The following SPOCK3 variants were observed in gnomAD, a reference collection of about 807,000 sequenced individuals.
SPOCK3 encodes the protein testican-3.
SPOCK3 carries 30 observed loss-of-function variants against 56.6 expected under a neutral mutation model. That is an observed-to-expected ratio of 0.53 (90% confidence interval 0.40 to 0.72). The LOEUF (loss-of-function observed/expected upper bound fraction) is 0.72. Among genes scored for constraint, SPOCK3 ranks in the 30% least tolerant of loss-of-function variants. The pLI, the probability that SPOCK3 is intolerant of heterozygous loss-of-function variation, is 0.00. For missense variants in SPOCK3, 527 were observed against 530.0 expected (o/e 0.99, Z 0.06); for synonymous variants, 196 against 183.3 (o/e 1.07, Z -0.56).
At chr4:166,767,057 C>T (rs1231388447) in intron 7 of SPOCK3, among the ~76,000 whole-genome samples, 3 of 151,996 alleles carry the variant, frequency 2.0e-5, no homozygotes, top group East Asian at 3.9e-4. Flanking sequence ...TTGTTTATTG[C>T]ATCTATTTGA....
chr4:167,155,432 T>G (rs1286347833), intron 2 of SPOCK3, among the ~76,000 whole-genome samples: 1 of 152,204 alleles, frequency 6.6e-6, no homozygotes, highest in Non-Finnish European at 1.5e-5. Flanking sequence ...TGCTAATATC[T>G]ACTATTTTTA....
intron 4 of SPOCK3, among the ~76,000 whole-genome samples, chr4:166,922,218 C>T (rs962372662): frequency 3.9e-5 from 6 of 152,102 alleles, no homozygotes; most frequent in East Asian, 3.9e-4. Context: ...GATTGGGGAC[C>T]GCTGCCCTAC....
In SPOCK3 at chr4:166,938,319, A is replaced by C. The variant is rs184466278; in HGVS notation, c.351-25576T>G. ...AGAAATTGATGTAATTTTGCCATTG[A>C]TTATGTGCAAGAATGAGTTTCCTCT... On this transcript the variant is annotated intron_variant, in intron 4 of 10. Transcript: ENST00000357545. 8.5e-4 allele frequency among the ~76,000 whole-genome samples: 129 copies of C among 152,316 alleles called. 1 individual carries two copies. Among genetic ancestry groups the C allele is most frequent in the Non-Finnish European group, 8.7e-4 (59 of 68,032 alleles).
At chr4:167,140,572 A>G (rs1763450132) in intron 2 of SPOCK3, among the ~76,000 whole-genome samples, 1 of 152,070 alleles carries the variant, frequency 6.6e-6, no homozygotes, top group African/African-American at 2.4e-5. Context: ...TAACCAGGAA[A>G]CATTAAGCAC....
At chr4:167,038,719 C>T (rs2150196373) in intron 3 of SPOCK3, among the ~76,000 whole-genome samples, 2 of 146,786 alleles carry the variant, frequency 1.4e-5, no homozygotes, top group South Asian at 4.4e-4. Flanking sequence ...ACAGCTGCTA[C>T]TTGAGCAAAA....
chr4:167,038,626 A>C (rs1389050397), intron 3 of SPOCK3, among the ~76,000 whole-genome samples: 1 of 149,650 alleles, frequency 6.7e-6, no homozygotes, highest in African/African-American at 2.5e-5. Flanking sequence ...CTGTGGTCTA[A>C]CAGTAAGAGC....
At chr4:166,929,713 C>T (rs926413703) in intron 4 of SPOCK3, among the ~76,000 whole-genome samples, 3 of 152,118 alleles carry the variant, frequency 2.0e-5, no homozygotes, top group African/African-American at 7.2e-5. Context: ...AAGATGTATA[C>T]TACTCACCTT....
rs565004833 is a variant in SPOCK3, at chr4:166,902,884, T to C, written c.474+9736A>G. On this transcript the variant is annotated intron_variant, in intron 5 of 10. Transcript: ENST00000357545. ...GAATATTTCAATATCTTTTTAAATGTTTAAATGTTTCATACATTAATATAT... is the reference window on the plus strand; with the variant it reads ...GAATATTTCAATATCTTTTTAAATGCTTAAATGTTTCATACATTAATATAT... 5.5e-4 allele frequency among the ~76,000 whole-genome samples: 83 copies of C among 150,854 alleles called. 1 individual carries two copies. The highest frequency in any genetic ancestry group is 5.5e-3 in the Admixed American group (83 of 15,110).
chr4:166,803,441 G>C (rs1742832072), intron 6 of SPOCK3, among the ~76,000 whole-genome samples: 2 of 152,096 alleles, frequency 1.3e-5, no homozygotes, highest in Non-Finnish European at 2.9e-5. Flanking sequence ...ATTATGTTCT[G>C]ACAGCTGGTG....
At chr4:167,170,002 T>C (rs1730355579) in intron 2 of SPOCK3, among the ~76,000 whole-genome samples, 2 of 152,182 alleles carry the variant, frequency 1.3e-5, no homozygotes, top group African/African-American at 2.4e-5. Context: ...TCTTCAGCCA[T>C]GTGGGACTGT....
intron 2 of SPOCK3, among the ~76,000 whole-genome samples, chr4:167,144,455 T>G (rs1347852849): frequency 6.6e-6 from 1 of 151,562 alleles, no homozygotes; most frequent in African/African-American, 2.4e-5. Flanking sequence ...ATTTCATACA[T>G]TTATTTGCTC....
chr4:166,775,066 G>T (rs1456525088), intron 7 of SPOCK3, among the ~76,000 whole-genome samples: 1 of 152,104 alleles, frequency 6.6e-6, no homozygotes, highest in Non-Finnish European at 1.5e-5. Flanking sequence ...GAGATTATTT[G>T]AGCAGAAATA....
intron 4 of SPOCK3, among the ~76,000 whole-genome samples, chr4:166,996,921 G>A (rs997222689): frequency 1.1e-4 from 16 of 152,108 alleles, no homozygotes; most frequent in African/African-American, 3.9e-4. Flanking sequence ...ACAAATCCAA[G>A]TGAAGGACCT....
chr4:167,206,738 G>A (rs1047873006), intron 2 of SPOCK3, among the ~76,000 whole-genome samples: 1 of 150,242 alleles, frequency 6.7e-6, no homozygotes, highest in Non-Finnish European at 1.5e-5. Context: ...TTTTTCTTTT[G>A]TTTTGTGATG....
intron 4 of SPOCK3, among the ~76,000 whole-genome samples, chr4:166,914,709 G>T (rs919062163): frequency 6.6e-6 from 1 of 152,144 alleles, no homozygotes; most frequent in Non-Finnish European, 1.5e-5. Context: ...GGCGGTGGTT[G>T]CCATGAGTCA....
chr4:167,002,410 T>A (rs1749032653), intron 3 of SPOCK3, among the ~76,000 whole-genome samples: 1 of 152,142 alleles, frequency 6.6e-6, no homozygotes, highest in African/African-American at 2.4e-5. Flanking sequence ...ACACATATCA[T>A]TGGTGACATT....
intron 6 of SPOCK3, among the ~76,000 whole-genome samples, chr4:166,831,711 T>C (rs1263177392): frequency 1.3e-5 from 2 of 151,710 alleles, no homozygotes; most frequent in African/African-American, 2.4e-5. Flanking sequence ...ACCTATTTTT[T>C]TTTTTTTCGA....
intron 2 of SPOCK3, among the ~76,000 whole-genome samples, chr4:167,148,197 T>C (rs929341557): frequency 2.4e-4 from 37 of 152,104 alleles, no homozygotes; most frequent in African/African-American, 8.7e-4. Context: ...CATTTTTGAT[T>C]GTCACAATTT....
intron 2 of SPOCK3, among the ~76,000 whole-genome samples, chr4:167,175,992 T>A (rs1287062813): frequency 6.6e-6 from 1 of 152,170 alleles, no homozygotes; most frequent in Non-Finnish European, 1.5e-5. Context: ...CTCACTGGAC[T>A]AAAATCAAGG....
Sources: gnomAD v4.1 joint callset for allele counts (sites outside exome capture counted in the v4.1 genomes callset) on GRCh38, gnomAD v4.1.1 for gene constraint, MANE v1.5 for transcripts, NCBI Gene and HGNC (gene_info 2026-07-23, HGNC 2026-07-21) for gene names.